HPSE2: variants seen among roughly 807,000 people sequenced by gnomAD.
HPSE2 encodes inactive heparanase-2.
A neutral mutation model predicts 60.5 loss-of-function variants in HPSE2; 38 were observed. That is an observed-to-expected ratio of 0.63 (90% CI 0.48 to 0.82). HPSE2 has a LOEUF of 0.82. HPSE2 is among the 40% of genes least tolerant of loss of function. The pLI is 0.00. For synonymous variants in HPSE2, 295 were observed against 293.2 expected (o/e 1.01, Z -0.06); for missense variants, 713 against 740.4 (o/e 0.96, Z 0.43).
At chr10:98,710,418 A>G (rs937293182) in intron 5 of HPSE2, among the ~76,000 whole-genome samples, 9 of 151,830 alleles carry the variant, frequency 5.9e-5, no homozygotes, top group Non-Finnish European at 1.3e-4. Context: ...GCAGATCTCT[A>G]TTTAGGCTTC....
intron 3 of HPSE2, among the ~76,000 whole-genome samples, chr10:98,800,807 C>T (rs1360910187): frequency 6.6e-6 from 1 of 152,150 alleles, no homozygotes; most frequent in African/African-American, 2.4e-5. Context: ...TAAAGAACAC[C>T]TAATACCAAT....
At chr10:98,974,688 T>A (rs926510897) in intron 3 of HPSE2, among the ~76,000 whole-genome samples, 1 of 152,226 alleles carries the variant, frequency 6.6e-6, no homozygotes, top group Admixed American at 6.5e-5. Flanking sequence ...ATGTTAGGCA[T>A]TGTAATTCAA....
chr10:99,250,349 T>C, the HPSE2 span, among the ~76,000 whole-genome samples: 7 of 152,100 alleles, frequency 4.6e-5, no homozygotes, highest in South Asian at 2.1e-4. Flanking sequence ...TATTTCTTAA[T>C]AGCAACAAAA....
intron 3 of HPSE2, among the ~76,000 whole-genome samples, chr10:99,066,913 C>G (rs1006851835): frequency 1.1e-4 from 17 of 152,160 alleles, no homozygotes; most frequent in African/African-American, 3.9e-4. Context: ...AAGGTAAGTC[C>G]TTTCCACCTA....
intron 9 of HPSE2, among the ~76,000 whole-genome samples, chr10:98,537,043 TG>T (rs1385775677): frequency 1.3e-5 from 2 of 152,314 alleles, no homozygotes; most frequent in Admixed American, 1.3e-4. Flanking sequence ...AAAATATTTT[TG>T]GCCTCAGTGT....
chr10:98,913,222 T>C (rs546648118), intron 3 of HPSE2, among the ~76,000 whole-genome samples: 2 of 152,324 alleles, frequency 1.3e-5, no homozygotes, highest in South Asian at 4.1e-4. Flanking sequence ...ACAACATCAA[T>C]TGCAAATGTT....
chr10:99,008,324 TA>T (rs1956936883), intron 3 of HPSE2, among the ~76,000 whole-genome samples: 2 of 152,224 alleles, frequency 1.3e-5, no homozygotes, highest in Admixed American at 6.5e-5. Context: ...CTGAGTTCAA[TA>T]AAAAGCACTT....
In HPSE2 at chr10:98,809,935, C is replaced by T. The variant is rs115758767; in HGVS notation, c.611-65879G>A. On this transcript the variant is annotated intron_variant, in intron 3 of 11. Coordinates refer to ENST00000370552, the MANE Select transcript of HPSE2 (RefSeq NM_021828.5). ...CTTAATTCTTTGATCTTTCCCATTA[C>T]GGGCAAAACAGATGGCGGAAAACCA... Among the ~76,000 whole-genome samples, 1,165 of 152,206 alleles carry T rather than the reference C, an allele frequency of 7.7e-3. 7 individuals are homozygous for T. Among genetic ancestry groups the T allele is most frequent in the African/African-American group, 0.021 (870 of 41,556 alleles).
At chr10:98,637,500 T>G (rs1026102980) in intron 7 of HPSE2, among the ~76,000 whole-genome samples, 2 of 152,210 alleles carry the variant, frequency 1.3e-5, no homozygotes, top group Admixed American at 1.3e-4. Flanking sequence ...CACATGACTT[T>G]CCTAATCTAC....
chr10:99,208,613 A>G (rs10883291), intron 2 of HPSE2, among the ~76,000 whole-genome samples: 74,581 of 151,384 alleles, frequency 0.49, 21,563 homozygotes, highest in Non-Finnish European at 0.64. Context: ...CCAACCCAGC[A>G]GGTCGAGGCT....
chr10:98,848,353 G>GA (rs760911867), intron 3 of HPSE2, among the ~76,000 whole-genome samples: 6 of 152,056 alleles, frequency 3.9e-5, no homozygotes, highest in Non-Finnish European at 5.9e-5. Flanking sequence ...GGGAGGCAGA[G>GA]GTTACAGTGA....
intron 3 of HPSE2, among the ~76,000 whole-genome samples, chr10:98,798,902 T>A (rs1448411585): frequency 6.6e-6 from 1 of 152,072 alleles, no homozygotes; most frequent in Non-Finnish European, 1.5e-5. Context: ...TAACATTGAA[T>A]GGAAAATGGA....
At chr10:98,758,765 G>A (rs1345560530) in intron 3 of HPSE2, among the ~76,000 whole-genome samples, 1 of 152,124 alleles carries the variant, frequency 6.6e-6, no homozygotes, top group Non-Finnish European at 1.5e-5. Context: ...GCCATTGTGG[G>A]AAGCAGTTTG....
chr10:99,134,067 C>T (rs1313338066), intron 3 of HPSE2, among the ~76,000 whole-genome samples: 2 of 152,154 alleles, frequency 1.3e-5, no homozygotes, highest in East Asian at 3.9e-4. Flanking sequence ...ACAAGAACTT[C>T]GTGAAGCATA....
chr10:98,467,748 C>T (rs1591218274), intron 11 of HPSE2, among the ~76,000 whole-genome samples: 1 of 152,258 alleles, frequency 6.6e-6, no homozygotes, highest in Admixed American at 6.5e-5. Flanking sequence ...ATGTGCCCTG[C>T]GCTTGGCCTC....
chr10:99,304,690 G>A, the HPSE2 span, among the ~76,000 whole-genome samples: 1 of 152,214 alleles, frequency 6.6e-6, no homozygotes, highest in African/African-American at 2.4e-5. Flanking sequence ...GTGCTTTCAG[G>A]GCATTTGCCA....
intron 3 of HPSE2, among the ~76,000 whole-genome samples, chr10:99,138,840 A>T (rs930783888): frequency 3.3e-5 from 5 of 152,198 alleles, no homozygotes; most frequent in Non-Finnish European, 1.5e-5. Context: ...GTGTATATCT[A>T]TGTAACAAAA....
chr10:98,875,276 C>T lies in HPSE2; in HGVS notation c.611-131220G>A, dbSNP rs114773415. 6.8e-4 allele frequency among the ~76,000 whole-genome samples: 103 copies of T among 152,006 alleles called. 1 individual carries two copies. The highest frequency in any genetic ancestry group is 2.4e-3 in the African/African-American group (100 of 41,496). On this transcript the variant is annotated intron_variant, in intron 3 of 11. Transcript: ENST00000370552. ...AAAGATTAACAAAATACATGGACCACTAACTAGACTAATAAAGAAGAAAAG... is the reference window on the plus strand; with the variant it reads ...AAAGATTAACAAAATACATGGACCATTAACTAGACTAATAAAGAAGAAAAG...
intron 3 of HPSE2, among the ~76,000 whole-genome samples, chr10:99,073,653 AT>A (rs913049568): frequency 9.2e-5 from 14 of 152,212 alleles, no homozygotes; most frequent in Non-Finnish European, 4.4e-5. Flanking sequence ...GGTTAAAAAA[AT>A]AATAATAATA....
Sources: allele counts gnomAD v4.1 joint callset (sites outside exome capture counted in the v4.1 genomes callset), GRCh38; gene constraint gnomAD v4.1.1; transcripts MANE v1.5; gene names NCBI Gene and HGNC (gene_info 2026-07-23, HGNC 2026-07-21).